Variants in GALNT17 observed in about 807,000 individuals in gnomAD.
GALNT17 encodes the protein polypeptide N-acetylgalactosaminyltransferase 17.
Under a neutral mutation model 63.7 loss-of-function variants are expected in GALNT17, and 29 were observed. The observed-to-expected ratio is 0.46, with a 90% CI of 0.34 to 0.62. The LOEUF (loss-of-function observed/expected upper bound fraction) is 0.62, where lower values mean the gene tolerates loss of function less well. Ranked by LOEUF, GALNT17 falls within the 20% of genes least tolerant of loss-of-function variation. The pLI is 0.01. For synonymous variants in GALNT17, 305 were observed against 318.3 expected (o/e 0.96, Z 0.45); for missense variants, 603 against 799.6 (o/e 0.75, Z 2.97).
intron 5 of GALNT17, among the ~76,000 whole-genome samples, chr7:71,508,666 G>C (rs1788304617): frequency 6.6e-6 from 1 of 152,098 alleles, no homozygotes; most frequent in African/African-American, 2.4e-5. Flanking sequence ...GAGGAACCCA[G>C]GTGCTCCAAG....
At chr7:71,467,853 T>G (rs1787562415) in intron 5 of GALNT17, among the ~76,000 whole-genome samples, 1 of 151,916 alleles carries the variant, frequency 6.6e-6, no homozygotes, top group Non-Finnish European at 1.5e-5. Flanking sequence ...ACAGCTGTGG[T>G]GGGGATCAAG....
intron 1 of GALNT17, among the ~76,000 whole-genome samples, chr7:71,218,251 C>T (rs563876084): frequency 1.8e-4 from 27 of 151,800 alleles, no homozygotes; most frequent in South Asian, 6.2e-4. Flanking sequence ...AAAAATTATC[C>T]GGCATGGTGG....
intron 6 of GALNT17, among the ~76,000 whole-genome samples, chr7:71,579,279 G>A (rs1245172262): frequency 1.3e-5 from 2 of 152,164 alleles, no homozygotes; most frequent in African/African-American, 2.4e-5. Context: ...ATGTATGACT[G>A]GTGGCCAACA....
intron 2 of GALNT17, among the ~76,000 whole-genome samples, chr7:71,364,929 T>TTTTTATTA (rs1554360034): frequency 1.2e-4 from 8 of 67,510 alleles, no homozygotes; most frequent in East Asian, 1.9e-3. Context: ...TTTAATACTT[T>TTTTTATTA]TTTTTATTAT....
intron 5 of GALNT17, among the ~76,000 whole-genome samples, chr7:71,562,955 G>C (rs139443119): frequency 8.6e-4 from 131 of 152,236 alleles, no homozygotes; most frequent in Non-Finnish European, 1.7e-3. Flanking sequence ...TTTCACCTAT[G>C]AAAAGAAAAC....
At chr7:71,436,718 CAA>C (rs773454238) in intron 5 of GALNT17, among the ~76,000 whole-genome samples, 1 of 133,830 alleles carries the variant, frequency 7.5e-6, no homozygotes, top group African/African-American at 2.7e-5. Context: ...GACTCCATCT[CAA>C]AAAAAAAATA....
intron 1 of GALNT17, among the ~76,000 whole-genome samples, chr7:71,170,321 T>G (rs1220477844): frequency 3.9e-5 from 6 of 152,026 alleles, no homozygotes; most frequent in Non-Finnish European, 1.5e-5. Context: ...TGAAGCTTTA[T>G]TTTTTATTAT....
At chr7:71,449,055 G>A (rs896311593) in intron 5 of GALNT17, among the ~76,000 whole-genome samples, 7 of 139,362 alleles carry the variant, frequency 5.0e-5, no homozygotes, top group African/African-American at 1.9e-4. Flanking sequence ...TTCTCTATGT[G>A]TTTGCTCTAC....
Position 71,713,449 on chromosome 7 carries a change from C to T in GALNT17, c.*1303C>T, listed in dbSNP as rs554222710. On this transcript the variant is annotated 3_prime_UTR_variant, in exon 11 of 11. Transcript: ENST00000333538. ...CCCCATCTCTTTTTCCCCACACTGTCCCTGGCCAAGCCCTGCCCAGAGCTG... is the reference window on the plus strand; with the variant it reads ...CCCCATCTCTTTTTCCCCACACTGTTCCTGGCCAAGCCCTGCCCAGAGCTG... The T allele has an allele frequency of 6.5e-6, 1 of 152,862 alleles. No homozygotes were observed. The highest frequency in any genetic ancestry group is 1.9e-4 in the East Asian group (1 of 5,198). The allele number at this position is 152,862 out of a possible 1,614,324, so 9.5% of individuals were successfully genotyped here.
At chr7:71,592,118 G>A (rs1426972679) in intron 6 of GALNT17, among the ~76,000 whole-genome samples, 1 of 152,192 alleles carries the variant, frequency 6.6e-6, no homozygotes, top group Non-Finnish European at 1.5e-5. Context: ...GCAGTGGGAA[G>A]AGTCTGAATT....
intron 3 of GALNT17, among the ~76,000 whole-genome samples, chr7:71,390,763 T>A (rs1223202663): frequency 6.6e-6 from 1 of 152,154 alleles, no homozygotes; most frequent in Non-Finnish European, 1.5e-5. Flanking sequence ...GTTTCCCAGC[T>A]GTCTCCAGCA....
chr7:71,525,313 C>CTACA (rs1788605271), intron 5 of GALNT17, among the ~76,000 whole-genome samples: 2 of 152,048 alleles, frequency 1.3e-5, no homozygotes, highest in African/African-American at 4.8e-5. Flanking sequence ...ATAGCTGGGA[C>CTACA]TACAGGCTGT....
intron 6 of GALNT17, among the ~76,000 whole-genome samples, chr7:71,625,534 A>C (rs73371243): frequency 1.3e-5 from 2 of 151,878 alleles, no homozygotes; most frequent in African/African-American, 4.8e-5. Flanking sequence ...TAAATTGCTT[A>C]TAATTTTTTG....
chr7:71,430,567 CCT>C (rs1221121205), intron 5 of GALNT17, among the ~76,000 whole-genome samples: 1 of 152,070 alleles, frequency 6.6e-6, no homozygotes, highest in Non-Finnish European at 1.5e-5. Context: ...GTTAGGTGGT[CCT>C]ATAATTAGTG....
chr7:71,325,037 G>A (rs1791681631), intron 1 of GALNT17, among the ~76,000 whole-genome samples: 1 of 152,064 alleles, frequency 6.6e-6, no homozygotes, highest in African/African-American at 2.4e-5. Flanking sequence ...GAGTTTTTCA[G>A]TGTGTGTTAA....
At chr7:71,421,384 A>G (rs1786662771) in intron 5 of GALNT17, among the ~76,000 whole-genome samples, 1 of 152,346 alleles carries the variant, frequency 6.6e-6, no homozygotes, top group Non-Finnish European at 1.5e-5. Flanking sequence ...TTCCTCGTAT[A>G]GGAGGAACTG....
chr7:71,711,709 T>A (rs2115571517), intron 10 of GALNT17, among the ~76,000 whole-genome samples: 1 of 150,122 alleles, frequency 6.7e-6, no homozygotes, highest in Non-Finnish European at 1.5e-5. Context: ...TTCTCTCTTC[T>A]CTCTCTTCCC....
chr7:71,300,638 A>C (rs1426966203), intron 1 of GALNT17: 2 of 214,844 alleles, frequency 9.3e-6, no homozygotes, highest in Admixed American at 1.1e-4. Context: ...ACACATGGTT[A>C]TCAACATGCT....
At chr7:71,516,836 T>A (rs997739089) in intron 5 of GALNT17, among the ~76,000 whole-genome samples, 1 of 152,168 alleles carries the variant, frequency 6.6e-6, no homozygotes, top group Non-Finnish European at 1.5e-5. Context: ...GATAACTACT[T>A]TTATCCTTCG....
Sources: gnomAD v4.1 joint callset for allele counts (sites outside exome capture counted in the v4.1 genomes callset) on GRCh38, gnomAD v4.1.1 for gene constraint, MANE v1.5 for transcripts, NCBI Gene and HGNC (gene_info 2026-07-23, HGNC 2026-07-21) for gene names.